Variants in ICA1L observed in about 807,000 individuals in gnomAD.
ICA1L encodes islet cell autoantigen 1-like protein.
A neutral mutation model predicts 61.3 loss-of-function variants in ICA1L; 50 were observed. The ratio of observed to expected loss-of-function variants is 0.82; its 90% CI spans 0.65 to 1.03. ICA1L has a LOEUF of 1.03. Among genes scored for constraint, ICA1L ranks in the 50% least tolerant of loss-of-function variants. The pLI, the probability that ICA1L is intolerant of heterozygous loss-of-function variation, is 0.00. For synonymous variants in ICA1L, 161 were observed against 191.3 expected (o/e 0.84, Z 1.31); for missense variants, 508 against 556.7 (o/e 0.91, Z 0.88).
chr2:202,787,155 C>T lies in ICA1L; in HGVS notation c.1244-1148G>A, dbSNP rs193107684. On this transcript the variant is annotated intron_variant, in intron 11 of 12. Transcript: ENST00000358299. ...AAGAGGCAGGGGCAGATTTTGGTCC[C>T]GTCTTAGCTATTTAAACTGTCTGAT... 2.3e-3 allele frequency among the ~76,000 whole-genome samples: 347 copies of T among 152,246 alleles called. 2 individuals are homozygous for T. The highest frequency in any genetic ancestry group is 2.8e-3 in the Non-Finnish European group (189 of 68,002).
chr2:202,829,375 AC>A, intron 1 of ICA1L: 1 of 157,198 alleles, frequency 6.4e-6, no homozygotes, highest in Non-Finnish European at 1.4e-5. Flanking sequence ...AAACAAACAA[AC>A]AAAAAAACCA....
intron 10 of ICA1L, among the ~76,000 whole-genome samples, chr2:202,796,620 G>T (rs2105829407): frequency 6.6e-6 from 1 of 152,248 alleles, no homozygotes; most frequent in East Asian, 1.9e-4. Flanking sequence ...AATATTTCCT[G>T]AGGCTTGTAC....
At chr2:202,810,779 G>C (rs1038296127) in intron 9 of ICA1L, among the ~76,000 whole-genome samples, 2 of 152,176 alleles carry the variant, frequency 1.3e-5, no homozygotes, top group African/African-American at 4.8e-5. Flanking sequence ...AAGAGAATGT[G>C]TCCTTGAGGG....
At chr2:202,827,440 AT>A (rs1269210928) in intron 2 of ICA1L, among the ~76,000 whole-genome samples, 12 of 152,124 alleles carry the variant, frequency 7.9e-5, no homozygotes, top group African/African-American at 2.9e-4. Flanking sequence ...TGAAGTGACT[AT>A]GCTTGATTAT....
chr2:202,793,818 C>G (rs1352586341), intron 10 of ICA1L, among the ~76,000 whole-genome samples: 1 of 151,604 alleles, frequency 6.6e-6, no homozygotes, highest in African/African-American at 2.4e-5. Flanking sequence ...GAAACCCCAT[C>G]TCTACTAAAA....
chr2:202,843,931 CT>C (rs1694401001), intron 1 of ICA1L, among the ~76,000 whole-genome samples: 1 of 152,154 alleles, frequency 6.6e-6, no homozygotes, highest in African/African-American at 2.4e-5. Context: ...CCTTGTATCA[CT>C]TTCTTGCCAA....
chr2:202,823,627 T>G (rs1693756587), intron 3 of ICA1L, among the ~76,000 whole-genome samples: 1 of 152,252 alleles, frequency 6.6e-6, no homozygotes, highest in Non-Finnish European at 1.5e-5. Context: ...CAGACTCTTC[T>G]GCCTATGCAG....
chr2:202,784,255 C>A (rs754656478), intron 12 of ICA1L, among the ~76,000 whole-genome samples: 25 of 152,092 alleles, frequency 1.6e-4, no homozygotes, highest in Non-Finnish European at 3.1e-4. Context: ...AGTTCAAGAC[C>A]AGCCTGGCCA....
chr2:202,828,787 T>A, intron 2 of ICA1L, 61 bp downstream of exon 2: 4 of 1,375,134 alleles, frequency 2.9e-6, no homozygotes, highest in Middle Eastern at 3.6e-4. Flanking sequence ...CCTGTTGCAG[T>A]TCCCCTTGGA....
intron 1 of ICA1L, 99 bp from the exon 2 acceptor site, chr2:202,829,115 G>A: frequency 2.2e-6 from 2 of 888,986 alleles, no homozygotes; most frequent in African/African-American, 1.7e-5. Flanking sequence ...TTGGGAGGCT[G>A]AGGCGAGCGG....
chr2:202,829,701 G>T (rs1005401747), intron 1 of ICA1L, among the ~76,000 whole-genome samples: 3 of 152,048 alleles, frequency 2.0e-5, no homozygotes, highest in Admixed American at 1.3e-4. Flanking sequence ...ACAGGCAAAA[G>T]ATTAATTATA....
intron 1 of ICA1L, among the ~76,000 whole-genome samples, chr2:202,867,485 C>T (rs1687549734): frequency 6.6e-6 from 1 of 152,178 alleles, no homozygotes; most frequent in South Asian, 2.1e-4. Context: ...TGTATCTAAA[C>T]ATGTCTAACC....
intron 1 of ICA1L, chr2:202,841,703 C>T (rs977781543): frequency 2.8e-5 from 15 of 526,400 alleles, no homozygotes; most frequent in Non-Finnish European, 4.8e-5. Flanking sequence ...CGCATAGGAG[C>T]AGTTGCCGAA....
chr2:202,773,722 A>G lies in ICA1L; in HGVS notation c.*5811T>C, dbSNP rs1185329482. On this transcript the variant is annotated 3_prime_UTR_variant, in exon 13 of 13. Transcript: ENST00000358299. ...ACAGCATATTGACTCTAGTTGCATC[A>G]GTTATGCATGAAGAGTTTAATAACC... The G allele has an allele frequency of 2.6e-6, 3 of 1,162,556 alleles. No individual in the cohort carries two copies. The Admixed American group carries it at 5.3e-5, about 21-fold the overall frequency. 72.0% of individuals were successfully genotyped at this position (1,162,556 alleles called of 1,614,324 possible). A position where few individuals can be genotyped will look rare whatever the true frequency, so the allele number is the denominator to read the frequency against.
At chr2:202,817,945 T>C (rs992938539) in intron 5 of ICA1L, among the ~76,000 whole-genome samples, 2 of 152,206 alleles carry the variant, frequency 1.3e-5, no homozygotes. Flanking sequence ...CATGCAGATA[T>C]TTATAAATTC....
At chr2:202,860,434 C>T (rs978800722) in intron 1 of ICA1L, among the ~76,000 whole-genome samples, 1 of 152,030 alleles carries the variant, frequency 6.6e-6, no homozygotes, top group African/African-American at 2.4e-5. Flanking sequence ...TAGACAAGTA[C>T]AACCCAAATG....
chr2:202,805,453 A>G (rs1693198340), intron 9 of ICA1L, among the ~76,000 whole-genome samples: 1 of 152,012 alleles, frequency 6.6e-6, no homozygotes. Context: ...AGAAAGAAAG[A>G]TGGCTGGGCA....
chr2:202,865,114 G>A (rs1482815023), intron 1 of ICA1L, among the ~76,000 whole-genome samples: 1 of 151,276 alleles, frequency 6.6e-6, no homozygotes, highest in Non-Finnish European at 1.5e-5. Flanking sequence ...AGTGAGCTGA[G>A]ATCACACCAC....
intron 1 of ICA1L, 41 bp from the exon 2 acceptor site, chr2:202,829,057 C>T: frequency 6.7e-7 from 1 of 1,495,308 alleles, no homozygotes; most frequent in Non-Finnish European, 8.9e-7. Context: ...TTTAAAAATT[C>T]TCAATAATAG....
Sources: allele counts gnomAD v4.1 joint callset (sites outside exome capture counted in the v4.1 genomes callset), GRCh38; gene constraint gnomAD v4.1.1; transcripts MANE v1.5; gene names NCBI Gene and HGNC (gene_info 2026-07-23, HGNC 2026-07-21).